Variants in NMT1 observed in about 807,000 individuals in gnomAD.
NMT1 encodes the protein N-myristoyltransferase 1, also known as glycylpeptide N-tetradecanoyltransferase 1.
Under a neutral mutation model 63.4 loss-of-function variants are expected in NMT1, and 12 were observed. That is an observed-to-expected ratio of 0.19 (90% CI 0.12 to 0.31). The LOEUF is 0.31. Ranked by LOEUF, NMT1 falls within the 10% of genes least tolerant of loss-of-function variation. NMT1 has a pLI of 1.00. For missense variants in NMT1, 432 were observed against 634.6 expected (o/e 0.68, Z 3.43); for synonymous variants, 228 against 234.3 (o/e 0.97, Z 0.25).
intron 3 of NMT1, among the ~76,000 whole-genome samples, chr17:45,089,269 T>C (rs1421536672): frequency 1.3e-5 from 2 of 152,252 alleles, no homozygotes; most frequent in Non-Finnish European, 2.9e-5. Flanking sequence ...ACTGTGTTTT[T>C]ACAGTACTCT....
rs79730974 is a variant in NMT1, at chr17:45,079,117, T to C, written c.132-2527T>C. Among the ~76,000 whole-genome samples the C allele has an allele frequency of 7.1e-4, 107 of 149,854 alleles. 1 individual carries two copies. The Middle Eastern group carries it at 0.01, about 14-fold the overall frequency. ...TCTTTTCTTTTTCTTTTTTTTTTTT[T>C]CCCCAAGATGGAGTCTTGCTCTGTC... On this transcript the variant is annotated intron_variant, in intron 1 of 11. Coordinates refer to ENST00000258960, the MANE Select transcript of NMT1 (RefSeq NM_021079.5).
chr17:45,081,187 A>G (rs542452457), intron 1 of NMT1, among the ~76,000 whole-genome samples: 14 of 152,262 alleles, frequency 9.2e-5, no homozygotes, highest in Non-Finnish European at 1.6e-4. Context: ...CCAGCTGGGG[A>G]AAATCATGAA....
At chr17:45,086,967 T>A (rs1008746337) in intron 3 of NMT1, among the ~76,000 whole-genome samples, 1 of 149,672 alleles carries the variant, frequency 6.7e-6, no homozygotes, top group Admixed American at 6.7e-5. Flanking sequence ...GAGACCAGCC[T>A]GGGCAACATA....
intron 1 of NMT1, among the ~76,000 whole-genome samples, chr17:45,078,248 G>A (rs992182086): frequency 6.6e-6 from 1 of 152,236 alleles, no homozygotes; most frequent in South Asian, 2.1e-4. Context: ...AGCATGGGGG[G>A]GACACATGGA....
chr17:45,067,941 TCC>T (rs2053913387), intron 1 of NMT1, among the ~76,000 whole-genome samples: 1 of 152,186 alleles, frequency 6.6e-6, no homozygotes, highest in African/African-American at 2.4e-5. Flanking sequence ...ACGCTAAAAT[TCC>T]CCAGCTTTAC....
Position 45,096,236 on chromosome 17 carries a change from G to A in NMT1, c.547G>A (p.Asp183Asn). Residue 183 changes from aspartate (D) to asparagine (N), a missense_variant, in exon 5 of 12, where the codon GAT (aspartate) becomes AAT (asparagine). Coordinates refer to ENST00000258960, the MANE Select transcript of NMT1 (RefSeq NM_021079.5). The part of the protein sequence containing the change: ...YTLLNENYVE[D>N]DDNMFRFDYS... Reference sequence around the variant, plus strand: ...CCTCCTGAATGAGAACTATGTGGAAGATGATGACAACATGTTCCGATTTGA... The same window carrying A: ...CCTCCTGAATGAGAACTATGTGGAAAATGATGACAACATGTTCCGATTTGA... The A allele has an allele frequency of 6.2e-7, 1 of 1,614,160 alleles. No individual in the cohort carries two copies. Among genetic ancestry groups the A allele is most frequent in the Non-Finnish European group, 8.5e-7 (1 of 1,179,982 alleles).
At chr17:45,098,359 A>C (rs200835814) in intron 6 of NMT1, 23 bp from the exon 7 acceptor site, 5 of 1,608,530 alleles carry the variant, frequency 3.1e-6, no homozygotes, top group Non-Finnish European at 4.3e-6. Flanking sequence ...AAACCTTGTC[A>C]CCTGGATTTT....
chr17:45,097,716 T>C (rs940088033), intron 6 of NMT1, among the ~76,000 whole-genome samples: 5 of 151,990 alleles, frequency 3.3e-5, no homozygotes, highest in Admixed American at 3.3e-4. Flanking sequence ...GCGATCTTGG[T>C]TCACTGCAAG....
chr17:45,084,242 G>A (rs1373105461), intron 2 of NMT1, among the ~76,000 whole-genome samples: 1 of 151,874 alleles, frequency 6.6e-6, no homozygotes, highest in African/African-American at 2.4e-5. Flanking sequence ...TGTGTAATCA[G>A]TAAATAATAA....
chr17:45,102,039 C>T (rs1281131255), intron 8 of NMT1, among the ~76,000 whole-genome samples: 1 of 152,196 alleles, frequency 6.6e-6, no homozygotes, highest in Non-Finnish European at 1.5e-5. Context: ...GTTTTCAGTC[C>T]AGGATTTGAG....
At chr17:45,085,239 C>T (rs534824518) in intron 2 of NMT1, among the ~76,000 whole-genome samples, 5 of 151,940 alleles carry the variant, frequency 3.3e-5, no homozygotes, top group African/African-American at 4.8e-5. Flanking sequence ...GGCAACAGAG[C>T]GAGACCCTGT....
Position 45,107,448 on chromosome 17 carries a change from C to T in NMT1, c.*1809C>T, listed in dbSNP as rs982492718. On this transcript the variant is annotated 3_prime_UTR_variant, in exon 12 of 12. Coordinates refer to ENST00000258960, the MANE Select transcript of NMT1 (RefSeq NM_021079.5). The stretch of plus-strand genomic sequence containing the variant: ...GTGACTGACGTTTGCTCCTTGACTC[C>T]AAGAAACTGAGACCAAAGAAGCTGC... 23 of 152,782 alleles carry T rather than the reference C, an allele frequency of 1.5e-4. No homozygotes were observed. Among genetic ancestry groups the T allele is most frequent in the African/African-American group, 5.5e-4 (23 of 41,576 alleles). The allele number at this position is 152,782 out of a possible 1,614,324, so 9.5% of individuals were successfully genotyped here. A position where few individuals can be genotyped will look rare whatever the true frequency, so the allele number is the denominator to read the frequency against.
chr17:45,085,793 C>A lies in NMT1; in HGVS notation c.241-715C>A, dbSNP rs140417577. Among the ~76,000 whole-genome samples the A allele has an allele frequency of 2.8e-3, 433 of 152,096 alleles. 1 individual carries two copies. Among genetic ancestry groups the A allele is most frequent in the African/African-American group, 9.5e-3 (393 of 41,492 alleles). ...GGGATTAGGACAGAGGAACCAAACCCCTTCTTTGAATTGTACCCTTTAACT... is the reference window on the plus strand; with the variant it reads ...GGGATTAGGACAGAGGAACCAAACCACTTCTTTGAATTGTACCCTTTAACT... On this transcript the variant is annotated intron_variant, in intron 2 of 11. Coordinates refer to ENST00000258960, the MANE Select transcript of NMT1 (RefSeq NM_021079.5).
chr17:45,103,150 C>T lies in NMT1; in HGVS notation c.1164+29C>T. Reference sequence around the variant, plus strand: ...AGTCAGGGAGTGGTGTTCCAGGTCTCTAACACGTTCCCAGAGAGGCACCCC... The same window carrying T: ...AGTCAGGGAGTGGTGTTCCAGGTCTTTAACACGTTCCCAGAGAGGCACCCC... On this transcript the variant is annotated intron_variant, in intron 9 of 11. Transcript: ENST00000258960. The surrounding 1 kb of genome is among the most constrained non-coding windows in gnomAD (Gnocchi z 4.8). 1 of 1,585,986 alleles carries T rather than the reference C, an allele frequency of 6.3e-7. No individual in the cohort carries two copies. The highest frequency in any genetic ancestry group is 1.3e-5 in the African/African-American group (1 of 74,594).
At position 45,089,982 on chromosome 17, in the gene NMT1, C is replaced by T. The variant is rs533356182; in HGVS notation, c.385+3330C>T. 3.3e-5 allele frequency among the ~76,000 whole-genome samples: 5 copies of T among 152,048 alleles called. No homozygotes were observed. In the South Asian group the frequency reaches 1.0e-3, roughly 32 times the overall value. Reference sequence around the variant, plus strand: ...AAGCTTAAAATTATCCTAGGTTTACCATGGAAAGGCCTTCTTAGGCCGGGT... The same window carrying T: ...AAGCTTAAAATTATCCTAGGTTTACTATGGAAAGGCCTTCTTAGGCCGGGT... On this transcript the variant is annotated intron_variant, in intron 3 of 11. Coordinates refer to ENST00000258960, the MANE Select transcript of NMT1 (RefSeq NM_021079.5).
At chr17:45,082,416 A>G (rs2054022662) in intron 2 of NMT1, among the ~76,000 whole-genome samples, 2 of 151,760 alleles carry the variant, frequency 1.3e-5, no homozygotes, top group Non-Finnish European at 2.9e-5. Flanking sequence ...GCATTCAGCC[A>G]AAGACTTCTT....
chr17:45,074,023 T>G (rs1024423190), intron 1 of NMT1, among the ~76,000 whole-genome samples: 1 of 152,230 alleles, frequency 6.6e-6, no homozygotes, highest in East Asian at 1.9e-4. Flanking sequence ...GAAGTTCCTC[T>G]TCTCCTGCTG....
intron 1 of NMT1, among the ~76,000 whole-genome samples, chr17:45,072,940 A>G (rs2053953062): frequency 6.6e-6 from 1 of 152,144 alleles, no homozygotes; most frequent in Non-Finnish European, 1.5e-5. Context: ...CATTGCTCTC[A>G]TAGAATATTA....
At chr17:45,079,501 A>G (rs994972993) in intron 1 of NMT1, among the ~76,000 whole-genome samples, 2 of 152,210 alleles carry the variant, frequency 1.3e-5, no homozygotes, top group African/African-American at 4.8e-5. Flanking sequence ...ACTCAAACCT[A>G]GAATTTGAGA....
Sources: gnomAD v4.1 joint callset for allele counts (sites outside exome capture counted in the v4.1 genomes callset) on GRCh38, gnomAD v4.1.1 for gene constraint, Gnocchi (gnomAD v3.1) non-coding constraint, MANE v1.5 for transcripts, NCBI Gene and HGNC (gene_info 2026-07-23, HGNC 2026-07-21) for gene names.